CCDC27: variants seen among roughly 807,000 people sequenced by gnomAD.
CCDC27 encodes the protein coiled-coil domain containing 27, also known as coiled-coil domain-containing protein 27.
CCDC27 carries 80 observed loss-of-function variants against 80.3 expected under a neutral mutation model. The ratio of observed to expected loss-of-function variants is 1.00; its 90% CI spans 0.83 to 1.20. CCDC27 has a LOEUF of 1.20. Ranked by LOEUF, CCDC27 falls within the 50% of genes most tolerant of loss-of-function variation. CCDC27 has a pLI of 0.00. For synonymous variants in CCDC27, 342 were observed against 334.3 expected, an observed-to-expected ratio of 1.02 and a Z score of -0.25; for missense variants, 815 against 809.4, an observed-to-expected ratio of 1.01 and a Z score of -0.08.
intron 8 of CCDC27, among the ~76,000 whole-genome samples, chr1:3,764,892 C>T (rs954805664): frequency 2.0e-5 from 3 of 151,924 alleles, no homozygotes; most frequent in East Asian, 1.9e-4. Context: ...AAAAATTAAC[C>T]GGTGTGATGG....
intron 11 of CCDC27, 128 bp from the exon 12 acceptor site, chr1:3,771,273 C>A: frequency 8.6e-7 from 1 of 1,161,886 alleles, no homozygotes; most frequent in Non-Finnish European, 1.2e-6. Context: ...ACCCCTGCTG[C>A]AGCAAGCCTC....
rs573035691 is a variant in CCDC27 at position 3,766,923 on chromosome 1, C to T, written c.1531-310C>T. Among the ~76,000 whole-genome samples the T allele has an allele frequency of 3.3e-5, 5 of 150,906 alleles. No individual in the cohort carries two copies. The East Asian group carries it at 9.9e-4, about 30-fold the overall frequency. On this transcript the variant is annotated intron_variant, in intron 9 of 11. Coordinates refer to ENST00000294600, the MANE Select transcript of CCDC27 (RefSeq NM_152492.3). The surrounding 1 kb of genome is among the most constrained non-coding windows in gnomAD (Gnocchi z 6.1). Reference sequence around the variant, plus strand: ...TGGTGTGATCTCAGCTCACTGCAACCTCCGCCTCCTGGGTTCAAGTGATTC... The same window carrying T: ...TGGTGTGATCTCAGCTCACTGCAACTTCCGCCTCCTGGGTTCAAGTGATTC...
intron 6 of CCDC27, 91 bp downstream of exon 6, chr1:3,762,803 G>A: frequency 2.4e-6 from 3 of 1,238,424 alleles, no homozygotes; most frequent in Non-Finnish European, 3.4e-6. Flanking sequence ...GGCCCCAAGT[G>A]TCCCTGCTGC....
chr1:3,764,078 A>C (rs750244803), intron 8 of CCDC27, among the ~76,000 whole-genome samples: 1 of 152,112 alleles, frequency 6.6e-6, no homozygotes, highest in Non-Finnish European at 1.5e-5. Context: ...CCTGGGCTGG[A>C]GGCAAGTGTC....
chr1:3,761,975 G>C lies in CCDC27; in HGVS notation c.861+545G>C. ...CCCCTGCGAGGTTGGGCATGGGGTTGGGGTGGGGGTGGGGTAGAGGTGGGG... is the reference window on the plus strand; with the variant it reads ...CCCCTGCGAGGTTGGGCATGGGGTTCGGGTGGGGGTGGGGTAGAGGTGGGG... On this transcript the variant is annotated intron_variant, in intron 5 of 11. Coordinates refer to ENST00000294600, the MANE Select transcript of CCDC27 (RefSeq NM_152492.3). The surrounding 1 kb of genome is among the most constrained non-coding windows in gnomAD (Gnocchi z 5.0). 6.6e-6 allele frequency among the ~76,000 whole-genome samples: 1 copy of C among 151,844 alleles called. No individual in the cohort carries two copies. The highest frequency in any genetic ancestry group is 2.4e-5 in the African/African-American group (1 of 41,366).
rs577646267 is a variant in CCDC27, at chr1:3,768,509, C to T, written c.1743+1064C>T. Among the ~76,000 whole-genome samples the T allele has an allele frequency of 6.6e-6, 1 of 152,294 alleles. No homozygotes were observed. The highest frequency in any genetic ancestry group is 2.1e-4 in the South Asian group (1 of 4,828). Reference sequence around the variant, plus strand: ...CTGCAACTCAACTGCGTCCTCTTTCCTGCTTGAGTCCACCTCCTTCCGGCT... The same window carrying T: ...CTGCAACTCAACTGCGTCCTCTTTCTTGCTTGAGTCCACCTCCTTCCGGCT... On this transcript the variant is annotated intron_variant, in intron 10 of 11. Coordinates refer to ENST00000294600, the MANE Select transcript of CCDC27 (RefSeq NM_152492.3). This position sits in a 1 kb window ranked among gnomAD's most constrained non-coding sequence, Gnocchi z 5.6.
At chr1:3,755,760 C>T in intron 3 of CCDC27, 193 bp downstream of exon 3, 2 of 590,238 alleles carry the variant, frequency 3.4e-6, no homozygotes, top group Non-Finnish European at 6.1e-6. Flanking sequence ...GCATAGGCTG[C>T]AGTCCCCCCA....
At chr1:3,759,080 G>A (rs1643028316) in intron 4 of CCDC27, among the ~76,000 whole-genome samples, 1 of 152,028 alleles carries the variant, frequency 6.6e-6, no homozygotes, top group Non-Finnish European at 1.5e-5. Flanking sequence ...AGCTGGACGT[G>A]GTGGCAGGTG....
At position 3,763,165 on chromosome 1, in the gene CCDC27, G is replaced by A. The variant is rs188236993; in HGVS notation, c.1012G>A (p.Glu338Lys). Reference protein sequence around the residue: ...RGKEPDLGGGEEDEGLEGEPD... With the variant: ...RGKEPDLGGGKEDEGLEGEPD... ...CAAGGAGCCCGACCTGGGAGGTGGC[G>A]AGGAGGACGAGGGCCTGGAAGGGGA... is the stretch of plus-strand genomic sequence containing the variant. Residue 338 changes from glutamate to lysine, a missense_variant, in exon 7 of 12, where the codon GAG becomes AAG. Physicochemically the swap from Glu to Lys is moderately conservative, Grantham distance 56 (BLOSUM62 1). Transcript: ENST00000294600. This position sits in a 1 kb window ranked among gnomAD's most constrained non-coding sequence, Gnocchi z 7.5. 12 of 1,494,474 alleles carry A rather than the reference G, an allele frequency of 8.0e-6. 1 individual carries two copies. Among genetic ancestry groups the A allele is most frequent in the African/African-American group, 7.0e-5 (5 of 71,520 alleles). 92.6% of individuals were successfully genotyped at this position (1,494,474 alleles called of 1,614,324 possible).
intron 8 of CCDC27, among the ~76,000 whole-genome samples, chr1:3,765,394 G>A (rs1643204548): frequency 6.6e-6 from 1 of 152,122 alleles, no homozygotes; most frequent in Admixed American, 6.6e-5. Context: ...TTTAGTTCTG[G>A]AATTTTCTTT....
At position 3,762,639 on chromosome 1, in the gene CCDC27, C is replaced by T. The variant is rs75571263; in HGVS notation, c.881C>T (p.Ser294Leu). The T allele has an allele frequency of 2.3e-3, 3,544 of 1,550,616 alleles. 69 individuals are homozygous for T. In the African/African-American group the frequency reaches 0.042, roughly 18 times the overall value. ...TTGCAGGAGCAGCTCTCAGACGCTT[C>T]GCTGAAGCTGGGCAGGCTGAGCCTC... ...PGRREQLSDA[S>L]LKLGRLSLLK... The change falls in exon 6 of 12, where the codon TCG becomes TTG. Residue 294 changes from serine to leucine, a missense_variant. Transcript: ENST00000294600.
intron 4 of CCDC27, among the ~76,000 whole-genome samples, chr1:3,757,953 C>G (rs1229915519): frequency 6.6e-6 from 1 of 151,960 alleles, no homozygotes; most frequent in African/African-American, 2.4e-5. Context: ...TGGGGTTTCC[C>G]CATGTTGCCC....
chr1:3,759,742 A>G (rs1276124356), intron 4 of CCDC27, among the ~76,000 whole-genome samples: 1 of 152,048 alleles, frequency 6.6e-6, no homozygotes, highest in African/African-American at 2.4e-5. Flanking sequence ...TACTCCTGCA[A>G]CTCTACCTGT....
intron 3 of CCDC27, 108 bp downstream of exon 3, chr1:3,755,675 G>A: frequency 1.1e-6 from 1 of 937,298 alleles, no homozygotes; most frequent in Non-Finnish European, 1.7e-6. Context: ...TCCCGGGACT[G>A]TCTGCCTCCT....
chr1:3,771,287 G>A (rs1016502830), intron 11 of CCDC27, 114 bp from the exon 12 acceptor site: 39 of 1,284,210 alleles, frequency 3.0e-5, no homozygotes, highest in Non-Finnish European at 4.3e-5. Flanking sequence ...AAGCCTCTCT[G>A]GAGGAGGAGG....
Position 3,769,762 on chromosome 1 carries a change from G to GTGT in CCDC27, c.1744-17_1744-15dup. 1 of 1,580,942 alleles carries GTGT rather than the reference G, an allele frequency of 6.3e-7. No homozygotes were observed. Among genetic ancestry groups the GTGT allele is most frequent in the African/African-American group, 1.3e-5 (1 of 74,286 alleles). On this transcript the variant is annotated intron_variant, in intron 10 of 11. Transcript: ENST00000294600. This position sits in a 1 kb window ranked among gnomAD's most constrained non-coding sequence, Gnocchi z 4.6. Reference sequence around the variant, plus strand: ...CCTTCTTGGGTAAAGGCGAATGATAGTGTTGTCCCTTTGCTCACAGCTCGA... The same window carrying GTGT: ...CCTTCTTGGGTAAAGGCGAATGATAGTGTTGTTGTCCCTTTGCTCACAGCTCGA...
Position 3,768,819 on chromosome 1 carries a change from C to G in CCDC27, c.1744-964C>G, listed in dbSNP as rs1643292760. ...CCAACCTCTACCCTGGGGAGGGACC[C>G]CCAGTACAGAGGCCCAGCCCCTTGT... On this transcript the variant is annotated intron_variant, in intron 10 of 11. Coordinates refer to ENST00000294600, the MANE Select transcript of CCDC27 (RefSeq NM_152492.3). The surrounding 1 kb of genome is among the most constrained non-coding windows in gnomAD (Gnocchi z 5.6). Among the ~76,000 whole-genome samples, 1 of 152,172 alleles carries G rather than the reference C, an allele frequency of 6.6e-6. No homozygotes were observed. Among genetic ancestry groups the G allele is most frequent in the South Asian group, 2.1e-4 (1 of 4,834 alleles).
rs1557624811 is a variant in CCDC27 at position 3,761,383 on chromosome 1, C to T, written c.814C>T (p.Leu272Phe). Residue 272 changes from leucine to phenylalanine, a missense_variant, in exon 5 of 12, where the codon CTT (leucine) becomes TTT (phenylalanine). Physicochemically the swap from Leu to Phe is conservative, Grantham distance 22. Coordinates refer to ENST00000294600, the MANE Select transcript of CCDC27 (RefSeq NM_152492.3). This position sits in a 1 kb window ranked among gnomAD's most constrained non-coding sequence, Gnocchi z 5.0. The part of the protein sequence containing the change: ...REALKMQLKC[L>F]LKGKGQETSM... The stretch of plus-strand genomic sequence containing the variant: ...GGCCCTGAAGATGCAGCTGAAATGC[C>T]TTCTGAAAGGCAAAGGCCAAGAGAC... 6.2e-7 allele frequency: 1 copy of T among 1,614,136 alleles called. No homozygotes were observed. Among genetic ancestry groups the T allele is most frequent in the East Asian group, 2.2e-5 (1 of 44,880 alleles).
At position 3,763,646 on chromosome 1, in the gene CCDC27, T is replaced by C; in HGVS notation, c.1322-60T>C. On this transcript the variant is annotated intron_variant, in intron 7 of 11. Transcript: ENST00000294600. The surrounding 1 kb of genome is among the most constrained non-coding windows in gnomAD (Gnocchi z 7.5). ...CAGCTGCCGCAGTGGCCCGGCCCTCTCCTTCTGTCCCTCACTGCCCCTGCT... is the reference window on the plus strand; with the variant it reads ...CAGCTGCCGCAGTGGCCCGGCCCTCCCCTTCTGTCCCTCACTGCCCCTGCT... 6.2e-7 allele frequency: 1 copy of C among 1,605,730 alleles called. No homozygotes were observed. Among genetic ancestry groups the C allele is most frequent in the Non-Finnish European group, 8.5e-7 (1 of 1,173,528 alleles).
Sources: gnomAD v4.1 joint callset for allele counts (sites outside exome capture counted in the v4.1 genomes callset) on GRCh38, gnomAD v4.1.1 for gene constraint, Gnocchi (gnomAD v3.1) non-coding constraint, MANE v1.5 for transcripts, NCBI Gene and HGNC (gene_info 2026-07-23, HGNC 2026-07-21) for gene names.